SI: variants seen among roughly 807,000 people sequenced by gnomAD.
SI encodes the protein sucrase-isomaltase, intestinal.
In SI, 235 loss-of-function variants were observed where a neutral mutation model predicts 253.3. The observed-to-expected ratio is 0.93, with a 90% CI of 0.83 to 1.03. The LOEUF (loss-of-function observed/expected upper bound fraction) is 1.03. Ranked by LOEUF, SI falls within the 50% of genes least tolerant of loss-of-function variation. The probability of loss-of-function intolerance (pLI) is 0.00; values close to 1 mark genes in which losing one functional copy is unlikely to be tolerated. For missense variants in SI, 2,442 were observed against 2,211.1 expected, an observed-to-expected ratio of 1.10 and a Z score of -2.09; for synonymous variants, 819 against 712.0, an observed-to-expected ratio of 1.15 and a Z score of -2.39.
rs1263778809 is a variant in SI, at chr3:165,075,988, A to G, written c.25T>C (p.Leu9=). Residue 9 remains leucine (L), a synonymous_variant, in exon 2 of 48, where the codon TTG becomes CTG. Coordinates refer to ENST00000264382, the MANE Select transcript of SI (RefSeq NM_001041.4). ...AAAAGGACAATCAGAGAGATTTCCA[A>G]TCCACTAAATTTCTTTCTTGCCATC... is the stretch of plus-strand genomic sequence containing the variant. MARKKFSG[L]EISLIVLFVI... is the part of the protein sequence containing the mutation. The G allele has an allele frequency of 2.5e-6, 4 of 1,589,460 alleles. No homozygotes were observed. Among genetic ancestry groups the G allele is most frequent in the Non-Finnish European group, 2.6e-6 (3 of 1,162,470 alleles).
Position 165,067,450 on chromosome 3 carries a change from C to T in SI, c.525G>A (p.Gln175=). The change falls in exon 6 of 48, where the codon CAG becomes CAA. Residue 175 remains glutamine (Q), a synonymous_variant. Transcript: ENST00000264382. ...TGGGTCCAGTAAACTCTTTTACATA[C>T]TGATGAGGAACTTCATATCTTCTAT... ...PNNRRYEVPH[Q]YVKEFTGPTV... 1 of 1,611,616 alleles carries T rather than the reference C, an allele frequency of 6.2e-7. No homozygotes were observed. The highest frequency in any genetic ancestry group is 2.2e-5 in the East Asian group (1 of 44,724).
chr3:165,002,870 T>C (rs1206589215), intron 37 of SI, among the ~76,000 whole-genome samples: 2 of 151,792 alleles, frequency 1.3e-5, no homozygotes, highest in Non-Finnish European at 3.0e-5. Flanking sequence ...TCAATTTAAG[T>C]AATGTGATTG....
chr3:165,024,089 A>C (rs1711775875), intron 25 of SI, among the ~76,000 whole-genome samples: 1 of 151,450 alleles, frequency 6.6e-6, no homozygotes, highest in South Asian at 2.1e-4. Context: ...ATTACTAATA[A>C]ATTTTGATTC....
Position 165,016,013 on chromosome 3 carries a change from T to C in SI, c.3827A>G (p.Gln1276Arg), listed in dbSNP as rs775422246. 16 of 1,611,972 alleles carry C rather than the reference T, an allele frequency of 9.9e-6. No homozygotes were observed. The African/African-American group carries it at 1.2e-4, about 12-fold the overall frequency. ...QLDFTIGEAFQDLPQFVDKIR... is the reference protein window; with the variant it reads ...QLDFTIGEAFRDLPQFVDKIR... ...TTTGTCAACAAACTGAGGAAGGTCCTGGAATGCTTCACCAATTGTAAAGTC... is the reference window on the plus strand; with the variant it reads ...TTTGTCAACAAACTGAGGAAGGTCCCGGAATGCTTCACCAATTGTAAAGTC... Residue 1276 changes from glutamine (Q) to arginine (R), a missense_variant, in exon 32 of 48, where the codon CAG (glutamine) becomes CGG (arginine). Physicochemically the swap from Gln to Arg is conservative, Grantham distance 43. Coordinates refer to ENST00000264382, the MANE Select transcript of SI (RefSeq NM_001041.4).
chr3:165,050,141 A>T (rs1027848359), intron 13 of SI, among the ~76,000 whole-genome samples: 2 of 152,128 alleles, frequency 1.3e-5, no homozygotes, highest in Non-Finnish European at 2.9e-5. Context: ...AATTATAAGT[A>T]TTAAGTCATT....
chr3:165,029,604 A>G (rs1195238916), intron 25 of SI, among the ~76,000 whole-genome samples: 1 of 145,252 alleles, frequency 6.9e-6, no homozygotes, highest in African/African-American at 2.5e-5. Flanking sequence ...ATATATACAT[A>G]TATATGTATA....
chr3:165,075,679 C>A (rs7430654), intron 2 of SI, among the ~76,000 whole-genome samples: 88,574 of 151,744 alleles, frequency 0.58, 26,228 homozygotes, highest in East Asian at 0.81. Context: ...GAAGGCAATT[C>A]ATGTCAAAGC....
intron 19 of SI, among the ~76,000 whole-genome samples, chr3:165,039,524 C>T (rs751375518): frequency 5.9e-5 from 9 of 152,042 alleles, no homozygotes; most frequent in East Asian, 3.9e-4. Context: ...ATCTGATCAG[C>T]GAGTTTTCCA....
chr3:165,025,903 C>T (rs892627422), intron 25 of SI, among the ~76,000 whole-genome samples: 1 of 151,100 alleles, frequency 6.6e-6, no homozygotes, highest in Non-Finnish European at 1.5e-5. Context: ...GCATAAATCT[C>T]ACAGGACCTA....
chr3:165,078,823 T>A (rs1187201189), upstream of SI, among the ~76,000 whole-genome samples: 1 of 151,552 alleles, frequency 6.6e-6, no homozygotes, highest in Non-Finnish European at 1.5e-5. Flanking sequence ...TTGTGTGCAA[T>A]TTAGATCCTC....
chr3:165,057,519 A>G (rs1280356040), intron 12 of SI, among the ~76,000 whole-genome samples: 7 of 151,968 alleles, frequency 4.6e-5, no homozygotes. Context: ...CCCAAAAGAG[A>G]CTACCTCAAG....
At chr3:164,994,512 T>C in intron 40 of SI, 107 bp from the exon 41 acceptor site, 1 of 1,160,114 alleles carries the variant, frequency 8.6e-7, no homozygotes, top group East Asian at 2.4e-5. Context: ...TATTAATTGA[T>C]TGTCATGTGC....
intron 45 of SI, among the ~76,000 whole-genome samples, chr3:164,985,081 A>G (rs1395158161): frequency 6.6e-6 from 1 of 152,176 alleles, no homozygotes; most frequent in East Asian, 1.9e-4. Flanking sequence ...ATAGAGAAAT[A>G]TTTGGATTAT....
Position 165,039,131 on chromosome 3 carries a change from C to A in SI, c.2248G>T (p.Ala750Ser). The change falls in exon 20 of 48, where the codon GCA (alanine) becomes TCA (serine). Residue 750 changes from alanine to serine, a missense_variant. Ala to Ser is a moderately conservative substitution (Grantham distance 99). Transcript: ENST00000264382. ...GGGATGTAGGCACTCACAGTATCTG[C>A]TCCCTAAAATAAAGATAATATGTAT... ...LLITPVLKQG[A>S]DTVSAYIPDA... is the part of the protein sequence containing the mutation. The A allele has an allele frequency of 6.3e-7, 1 of 1,577,538 alleles. No individual in the cohort carries two copies. Among genetic ancestry groups the A allele is most frequent in the Non-Finnish European group, 8.7e-7 (1 of 1,148,998 alleles).
At position 165,046,998 on chromosome 3, in the gene SI, A is replaced by C. The variant is rs121912615; in HGVS notation, c.1730T>G (p.Val577Gly). 2.4e-3 allele frequency: 3,793 copies of C among 1,605,538 alleles called. 7 individuals carry two copies. The highest frequency in any genetic ancestry group is 2.9e-3 in the Non-Finnish European group (3,396 of 1,175,450). ...AATGAAGCTTCTCTTATTAGGAAAA[A>C]CTTTTTGTACAGCTCTAAAAATAAA... ...AIATEQAVQK[V>G]FPNKRSFILT... The change falls in exon 16 of 48, where the codon GTT becomes GGT. Residue 577 changes from valine to glycine, a missense_variant. Coordinates refer to ENST00000264382, the MANE Select transcript of SI (RefSeq NM_001041.4).
intron 37 of SI, among the ~76,000 whole-genome samples, chr3:165,002,294 G>A (rs1358746082): frequency 6.6e-6 from 1 of 151,658 alleles, no homozygotes; most frequent in African/African-American, 2.4e-5. Context: ...AGAGATGAGA[G>A]CAATTGAAGA....
At chr3:165,077,291 C>CAGA (rs1159731636) in intron 1 of SI, among the ~76,000 whole-genome samples, 1 of 151,584 alleles carries the variant, frequency 6.6e-6, no homozygotes, top group Middle Eastern at 3.2e-3. Flanking sequence ...ATGGTGAGTT[C>CAGA]CTTACCACTC....
intron 31 of SI, among the ~76,000 whole-genome samples, chr3:165,016,624 C>A (rs1394316844): frequency 7.2e-5 from 11 of 151,854 alleles, no homozygotes; most frequent in Admixed American, 6.6e-4. Flanking sequence ...CTTATCTAAG[C>A]AAGAATTGTT....
chr3:165,059,904 A>G lies in SI; in HGVS notation c.1144T>C (p.Phe382Leu), dbSNP rs1713904070. 1.2e-6 allele frequency: 2 copies of G among 1,611,162 alleles called. No individual in the cohort carries two copies. The highest frequency in any genetic ancestry group is 2.7e-5 in the African/African-American group (2 of 74,822). ...VRRNREAGIP[F>L]DTQVTDIDYM... The stretch of plus-strand genomic sequence containing the variant: ...CACGGACCCTTTATTCTACTTACAA[A>G]TGGTATGCCAGCTTCCCGGTTTCTC... Residue 382 changes from phenylalanine to leucine, a missense_variant and splice_region_variant, in exon 10 of 48, where the codon TTT (phenylalanine) becomes CTT (leucine). Physicochemically the swap from Phe to Leu is conservative, Grantham distance 22. Transcript: ENST00000264382.
Sources: gnomAD v4.1 joint callset for allele counts (sites outside exome capture counted in the v4.1 genomes callset) on GRCh38, gnomAD v4.1.1 for gene constraint, MANE v1.5 for transcripts, NCBI Gene and HGNC (gene_info 2026-07-23, HGNC 2026-07-21) for gene names.